The following STAG1 variants were observed in gnomAD, a reference collection of about 807,000 sequenced individuals.
STAG1 encodes STAG1 cohesin complex component.
Under a neutral mutation model 170.9 loss-of-function variants are expected in STAG1, and 26 were observed. That is an observed-to-expected ratio of 0.15 (90% CI 0.11 to 0.21). The LOEUF (loss-of-function observed/expected upper bound fraction) is 0.21. Among genes scored for constraint, STAG1 ranks in the 10% least tolerant of loss-of-function variants. The probability of loss-of-function intolerance (pLI) is 1.00; values close to 1 mark genes in which losing one functional copy is unlikely to be tolerated. For missense variants in STAG1, 964 were observed against 1,509.5 expected, an observed-to-expected ratio of 0.64 and a Z score of 5.99; for synonymous variants, 514 against 497.7, an observed-to-expected ratio of 1.03 and a Z score of -0.44.
Position 136,421,925 on chromosome 3 carries a change from C to T in STAG1, c.2037+485G>A, listed in dbSNP as rs148614703. Among the ~76,000 whole-genome samples, 21 of 151,730 alleles carry T rather than the reference C, an allele frequency of 1.4e-4. No homozygotes were observed. In the East Asian group the frequency reaches 4.1e-3, roughly 29 times the overall value. On this transcript the variant is annotated intron_variant, in intron 19 of 33. Coordinates refer to ENST00000383202, the MANE Select transcript of STAG1 (RefSeq NM_005862.3). ...CAGCACTTTGGGAGGCTGAGGTGGG[C>T]GGATCACTTGAGATCAGGAGTTCAC... is the stretch of plus-strand genomic sequence containing the variant.
At chr3:136,552,101 C>T (rs72971418) in intron 5 of STAG1, among the ~76,000 whole-genome samples, 3 of 152,150 alleles carry the variant, frequency 2.0e-5, no homozygotes, top group African/African-American at 4.8e-5. Context: ...AGTACCTGCA[C>T]GTCAGCCTAC....
intron 1 of STAG1, among the ~76,000 whole-genome samples, chr3:136,693,364 GAAGA>G (rs1350013228): frequency 2.0e-5 from 3 of 152,170 alleles, no homozygotes; most frequent in East Asian, 1.9e-4. Flanking sequence ...CTGCCAATTT[GAAGA>G]AAGTTTTCTG....
At chr3:136,401,028 A>G (rs1228950818) in intron 21 of STAG1, among the ~76,000 whole-genome samples, 1 of 152,228 alleles carries the variant, frequency 6.6e-6, no homozygotes, top group African/African-American at 2.4e-5. Flanking sequence ...AAAAGAAGGT[A>G]TAGTTTAATA....
At chr3:136,513,560 A>C (rs897338870) in intron 7 of STAG1, among the ~76,000 whole-genome samples, 2 of 152,154 alleles carry the variant, frequency 1.3e-5, no homozygotes, top group Non-Finnish European at 2.9e-5. Flanking sequence ...AAAGCTTCCA[A>C]AGACAAGAAA....
chr3:136,717,641 G>T (rs924363892), intron 1 of STAG1, among the ~76,000 whole-genome samples: 3 of 152,152 alleles, frequency 2.0e-5, no homozygotes, highest in Non-Finnish European at 2.9e-5. Flanking sequence ...TCCAGCCTGG[G>T]CAACAAGAGT....
intron 22 of STAG1, among the ~76,000 whole-genome samples, chr3:136,378,796 C>T (rs1317004308): frequency 2.0e-5 from 3 of 152,178 alleles, no homozygotes; most frequent in African/African-American, 4.8e-5. Context: ...GAAACTAGGA[C>T]TATCTGATAT....
chr3:136,445,224 G>A (rs1044270025), intron 14 of STAG1, among the ~76,000 whole-genome samples: 3 of 151,942 alleles, frequency 2.0e-5, no homozygotes, highest in Admixed American at 1.3e-4. Context: ...ATCTTTGCTT[G>A]TAAATAATAT....
chr3:136,347,670 G>T (rs1017888800), intron 29 of STAG1, among the ~76,000 whole-genome samples: 3 of 152,156 alleles, frequency 2.0e-5, no homozygotes, highest in Non-Finnish European at 2.9e-5. Context: ...AAGGAATACA[G>T]ATGCTGCCTA....
At chr3:136,537,505 G>GT (rs112443777) in intron 6 of STAG1, among the ~76,000 whole-genome samples, 26,613 of 131,744 alleles carry the variant, frequency 0.2, 2,882 homozygotes, top group Non-Finnish European at 0.26. Flanking sequence ...TTTTTTTTTT[G>GT]TTTTTTTTTT....
At chr3:136,468,419 C>A (rs902121215) in intron 12 of STAG1, among the ~76,000 whole-genome samples, 6 of 152,174 alleles carry the variant, frequency 3.9e-5, no homozygotes, top group African/African-American at 9.6e-5. Context: ...GAAATGGATA[C>A]ATTCCTGGAC....
intron 1 of STAG1, among the ~76,000 whole-genome samples, chr3:136,727,376 T>C (rs1362108395): frequency 4.6e-5 from 7 of 152,126 alleles, no homozygotes; most frequent in Non-Finnish European, 1.0e-4. Flanking sequence ...CCCTCATCTG[T>C]AAAAACATCT....
intron 1 of STAG1, among the ~76,000 whole-genome samples, chr3:136,656,539 T>C (rs891711349): frequency 2.6e-5 from 4 of 151,800 alleles, no homozygotes; most frequent in African/African-American, 9.7e-5. Context: ...CACTTTATGT[T>C]TGACTTCAAA....
At chr3:136,545,520 C>T (rs188288370) in intron 5 of STAG1, among the ~76,000 whole-genome samples, 2 of 152,160 alleles carry the variant, frequency 1.3e-5, no homozygotes, top group African/African-American at 2.4e-5. Context: ...ATTCACTAAA[C>T]AAATATCAGT....
chr3:136,610,034 T>G (rs1939189196), intron 3 of STAG1, among the ~76,000 whole-genome samples: 2 of 152,112 alleles, frequency 1.3e-5, no homozygotes, highest in South Asian at 4.1e-4. Flanking sequence ...ATAGCAGAAT[T>G]TTCTTTTTTT....
chr3:136,348,307 T>A (rs1222251965), intron 29 of STAG1, among the ~76,000 whole-genome samples: 8 of 151,896 alleles, frequency 5.3e-5, no homozygotes, highest in South Asian at 2.1e-4. Context: ...TTTTTTTTTT[T>A]AACATATAGG....
At chr3:136,494,136 G>A (rs67949818) in intron 9 of STAG1, among the ~76,000 whole-genome samples, 26,238 of 151,910 alleles carry the variant, frequency 0.17, 2,820 homozygotes, top group Non-Finnish European at 0.24. Flanking sequence ...GCCAGGTGTC[G>A]TGAAGCTTGC....
chr3:136,616,782 C>T (rs951754991), intron 3 of STAG1, among the ~76,000 whole-genome samples: 4 of 152,090 alleles, frequency 2.6e-5, no homozygotes, highest in African/African-American at 9.7e-5. Context: ...ACTGTAGTCC[C>T]ACTCCAAAGG....
chr3:136,375,702 G>A (rs1459354499), intron 23 of STAG1, among the ~76,000 whole-genome samples: 1 of 151,656 alleles, frequency 6.6e-6, no homozygotes, highest in Non-Finnish European at 1.5e-5. Context: ...CAGGTGCAGT[G>A]GCTCACACCT....
intron 26 of STAG1, among the ~76,000 whole-genome samples, chr3:136,361,540 C>G (rs1423018399): frequency 6.6e-6 from 1 of 152,168 alleles, no homozygotes; most frequent in Non-Finnish European, 1.5e-5. Context: ...TCCTCTATAT[C>G]TTTGTCAATC....
Sources: gnomAD v4.1 joint callset for allele counts (sites outside exome capture counted in the v4.1 genomes callset) on GRCh38, gnomAD v4.1.1 for gene constraint, MANE v1.5 for transcripts, NCBI Gene and HGNC (gene_info 2026-07-23, HGNC 2026-07-21) for gene names.